Variants in RALGAPB observed in about 807,000 individuals in gnomAD.
RALGAPB encodes the protein ral GTPase-activating protein subunit beta.
Under a neutral mutation model 161.1 loss-of-function variants are expected in RALGAPB, and 25 were observed. That is an observed-to-expected ratio of 0.16 (90% CI 0.11 to 0.22). RALGAPB has a LOEUF of 0.22. Ranked by LOEUF, RALGAPB falls within the 10% of genes least tolerant of loss-of-function variation. The pLI, the probability that RALGAPB is intolerant of heterozygous loss-of-function variation, is 1.00. For synonymous variants in RALGAPB, 629 were observed against 626.1 expected, an observed-to-expected ratio of 1.00 and a Z score of -0.07; for missense variants, 1,391 against 1,815.2, an observed-to-expected ratio of 0.77 and a Z score of 4.25.
At chr20:38,506,796 A>T (rs936996736) in intron 5 of RALGAPB, among the ~76,000 whole-genome samples, 9 of 152,220 alleles carry the variant, frequency 5.9e-5, no homozygotes, top group African/African-American at 2.2e-4. Context: ...GGTGACAGGA[A>T]CAAAAACTTT....
At chr20:38,488,669 T>C (rs1600838113) in intron 2 of RALGAPB, 51 bp downstream of exon 2, 1 of 1,525,852 alleles carries the variant, frequency 6.6e-7, no homozygotes, top group South Asian at 1.2e-5. Context: ...CATTTGTTCT[T>C]GAAGAATTTG....
chr20:38,549,182 T>G (rs551817096), intron 20 of RALGAPB, among the ~76,000 whole-genome samples: 1 of 152,308 alleles, frequency 6.6e-6, no homozygotes, highest in Non-Finnish European at 1.5e-5. Flanking sequence ...TGAAATTGTT[T>G]TATATGATTT....
chr20:38,480,508 TC>T (rs1262563088), intron 1 of RALGAPB, among the ~76,000 whole-genome samples: 2 of 150,404 alleles, frequency 1.3e-5, no homozygotes, highest in Non-Finnish European at 3.0e-5. Flanking sequence ...TGCTTCAGCC[TC>T]CTGAGTAGCT....
chr20:38,509,427 C>G (rs1477529918), intron 6 of RALGAPB, among the ~76,000 whole-genome samples: 1 of 152,196 alleles, frequency 6.6e-6, no homozygotes, highest in Non-Finnish European at 1.5e-5. Context: ...TTTACACGCT[C>G]TAGGAACGCG....
chr20:38,510,115 AACAC>A (rs1463786472), intron 6 of RALGAPB, among the ~76,000 whole-genome samples: 4 of 139,524 alleles, frequency 2.9e-5, no homozygotes, highest in Non-Finnish European at 4.6e-5. Flanking sequence ...TATGTATATA[AACAC>A]ACACACGCAC....
intron 26 of RALGAPB, among the ~76,000 whole-genome samples, chr20:38,568,268 A>C (rs184498558): frequency 5.3e-5 from 8 of 152,292 alleles, no homozygotes; most frequent in South Asian, 2.1e-4. Context: ...AAAACAAAAA[A>C]AAAACAAAGC....
chr20:38,502,073 A>G (rs2122968984), intron 5 of RALGAPB, among the ~76,000 whole-genome samples: 1 of 152,372 alleles, frequency 6.6e-6, no homozygotes, highest in African/African-American at 2.4e-5. Flanking sequence ...AGAAATGTAA[A>G]CAAACATAAA....
chr20:38,477,983 C>T (rs983114384), intron 1 of RALGAPB, among the ~76,000 whole-genome samples: 14 of 152,020 alleles, frequency 9.2e-5, no homozygotes, highest in African/African-American at 2.2e-4. Context: ...AAATTAGCGG[C>T]GCATGGTGAC....
At chr20:38,534,233 T>G (rs971533368) in intron 15 of RALGAPB, among the ~76,000 whole-genome samples, 32 of 152,154 alleles carry the variant, frequency 2.1e-4, no homozygotes, top group African/African-American at 7.2e-4. Context: ...GATTATTGTT[T>G]GTTTCAGCAT....
chr20:38,496,833 C>G (rs879397782), intron 3 of RALGAPB, among the ~76,000 whole-genome samples: 9 of 152,240 alleles, frequency 5.9e-5, no homozygotes, highest in African/African-American at 1.7e-4. Flanking sequence ...TTTTGGGGAC[C>G]TATTAGGCTA....
intron 15 of RALGAPB, among the ~76,000 whole-genome samples, chr20:38,533,149 A>G (rs1429671686): frequency 2.0e-5 from 3 of 152,166 alleles, no homozygotes; most frequent in African/African-American, 7.2e-5. Context: ...GTAGAGAACC[A>G]AATAAGATGT....
intron 2 of RALGAPB, among the ~76,000 whole-genome samples, chr20:38,489,311 T>C (rs2122867115): frequency 6.6e-6 from 1 of 152,286 alleles, no homozygotes; most frequent in East Asian, 1.9e-4. Flanking sequence ...CCCCAGTAGC[T>C]GGAACTACAG....
intron 22 of RALGAPB, among the ~76,000 whole-genome samples, chr20:38,557,664 A>G (rs1166476566): frequency 6.6e-6 from 1 of 152,184 alleles, no homozygotes; most frequent in Non-Finnish European, 1.5e-5. Flanking sequence ...GTATGCATTT[A>G]AGGTTTCTTC....
intron 24 of RALGAPB, among the ~76,000 whole-genome samples, chr20:38,563,950 T>G (rs891665876): frequency 6.6e-6 from 1 of 152,172 alleles, no homozygotes; most frequent in Non-Finnish European, 1.5e-5. Flanking sequence ...GAGGAGAGAT[T>G]AGCCAGATCT....
intron 13 of RALGAPB, among the ~76,000 whole-genome samples, chr20:38,527,683 G>A (rs1358753971): frequency 6.6e-6 from 1 of 152,164 alleles, no homozygotes; most frequent in South Asian, 2.1e-4. Context: ...TGTGGAGGGG[G>A]ATGTTTTGAT....
intron 19 of RALGAPB, 77 bp from the exon 20 acceptor site, chr20:38,548,612 C>A: frequency 8.9e-7 from 1 of 1,123,636 alleles, no homozygotes; most frequent in Non-Finnish European, 1.3e-6. Flanking sequence ...TTATGAGAAG[C>A]TCTGCAGTTG....
At chr20:38,546,553 C>A in intron 19 of RALGAPB, 123 bp downstream of exon 19, 1 of 1,351,620 alleles carries the variant, frequency 7.4e-7, no homozygotes, top group Non-Finnish European at 1.0e-6. Flanking sequence ...AGATTTCTAG[C>A]TGTGGGACAA....
chr20:38,530,243 C>G (rs2086613520), intron 13 of RALGAPB, among the ~76,000 whole-genome samples: 1 of 152,050 alleles, frequency 6.6e-6, no homozygotes, highest in African/African-American at 2.4e-5. Context: ...TTGAGCTCAC[C>G]CCAGTAACAA....
At chr20:38,515,923 A>G (rs1190943664) in intron 6 of RALGAPB, among the ~76,000 whole-genome samples, 1 of 152,176 alleles carries the variant, frequency 6.6e-6, no homozygotes, top group Non-Finnish European at 1.5e-5. Context: ...AACATATTAG[A>G]AAAAGCATCT....
Sources: allele counts gnomAD v4.1 joint callset (sites outside exome capture counted in the v4.1 genomes callset), GRCh38; gene constraint gnomAD v4.1.1; transcripts MANE v1.5; gene names NCBI Gene and HGNC (gene_info 2026-07-23, HGNC 2026-07-21).